The following KCNK2 variants were observed in gnomAD, a reference collection of about 807,000 sequenced individuals.
The protein encoded by KCNK2 is potassium channel subfamily K member 2.
In KCNK2, 21 loss-of-function variants were observed where a neutral mutation model predicts 40.5. That is an observed-to-expected ratio of 0.52 (90% CI 0.37 to 0.75). The LOEUF is 0.75. Among genes scored for constraint, KCNK2 ranks in the 30% least tolerant of loss-of-function variants. The probability of loss-of-function intolerance (pLI) is 0.00; values close to 1 mark genes in which losing one functional copy is unlikely to be tolerated. For synonymous variants in KCNK2, 191 were observed against 202.2 expected (o/e 0.94, Z 0.47); for missense variants, 399 against 531.6 (o/e 0.75, Z 2.45).
At chr1:215,188,271 G>T (rs1664532421) in intron 5 of KCNK2, among the ~76,000 whole-genome samples, 1 of 151,998 alleles carries the variant, frequency 6.6e-6, no homozygotes, top group African/African-American at 2.4e-5. Context: ...AATACAATTT[G>T]GGACTTTCCC....
chr1:215,032,337 G>C (rs996480311), intron 1 of KCNK2, among the ~76,000 whole-genome samples: 4 of 152,094 alleles, frequency 2.6e-5, no homozygotes, highest in African/African-American at 9.7e-5. Context: ...GGGCTCAGTA[G>C]TTCAGGGCTG....
rs188515169 is a variant in KCNK2 at position 215,196,951 on chromosome 1, C to T, written c.963+1859C>T. ...AGACTTGAGCAGAACCTATTTCATA[C>T]GGTCAGGTAGTTAGGAAAAGTATTG... is the stretch of plus-strand genomic sequence containing the variant. On this transcript the variant is annotated intron_variant, in intron 6 of 6. Coordinates refer to ENST00000444842, the MANE Select transcript of KCNK2 (RefSeq NM_001017425.3). Among the ~76,000 whole-genome samples the T allele has an allele frequency of 1.1e-4, 16 of 152,158 alleles. No homozygotes were observed. The East Asian group carries it at 2.5e-3, about 24-fold the overall frequency.
At chr1:215,220,482 C>T (rs543340328) in intron 6 of KCNK2, among the ~76,000 whole-genome samples, 4 of 152,168 alleles carry the variant, frequency 2.6e-5, no homozygotes, top group South Asian at 2.1e-4. Context: ...ACTCTGCTAC[C>T]ACCCCTTGAG....
At chr1:215,210,364 C>T (rs904552000) in intron 6 of KCNK2, among the ~76,000 whole-genome samples, 2 of 151,626 alleles carry the variant, frequency 1.3e-5, no homozygotes, top group South Asian at 2.1e-4. Flanking sequence ...CATATATAAG[C>T]AGGGCAGGGT....
chr1:215,211,860 T>C (rs912806346), intron 6 of KCNK2, among the ~76,000 whole-genome samples: 1 of 152,158 alleles, frequency 6.6e-6, no homozygotes, highest in African/African-American at 2.4e-5. Flanking sequence ...AAAGATAAGA[T>C]TTTAATTTTG....
At chr1:215,032,492 T>C (rs2841590) in intron 1 of KCNK2, among the ~76,000 whole-genome samples, 129,579 of 152,112 alleles carry the variant, frequency 0.85, 55,477 homozygotes, top group East Asian at 0.99. Context: ...TCTGCCTTTC[T>C]GTATGTAGAT....
chr1:215,140,446 T>C (rs1662125659), intron 3 of KCNK2, among the ~76,000 whole-genome samples: 1 of 152,072 alleles, frequency 6.6e-6, no homozygotes, highest in African/African-American at 2.4e-5. Flanking sequence ...CATCATGGAG[T>C]GAACTTACAC....
rs562007747 is a variant in KCNK2 at position 215,130,030 on chromosome 1, C to G, written c.475+5280C>G. 2.6e-5 allele frequency among the ~76,000 whole-genome samples: 4 copies of G among 152,246 alleles called. No individual in the cohort carries two copies. In the East Asian group the frequency reaches 7.7e-4, roughly 29 times the overall value. ...TCTTTCAACCATGTCTGAGTTTATG[C>G]TAATGAGGTGACTACTGGTGGGCTG... is the stretch of plus-strand genomic sequence containing the variant. On this transcript the variant is annotated intron_variant, in intron 3 of 6. Coordinates refer to ENST00000444842, the MANE Select transcript of KCNK2 (RefSeq NM_001017425.3).
chr1:215,037,058 T>G (rs1051980799), intron 1 of KCNK2, among the ~76,000 whole-genome samples: 1 of 149,496 alleles, frequency 6.7e-6, no homozygotes, highest in African/African-American at 2.5e-5. Flanking sequence ...AATATTGAAG[T>G]GGTAAGAATG....
At chr1:215,170,284 A>G (rs1224893570) in intron 4 of KCNK2, among the ~76,000 whole-genome samples, 1 of 152,220 alleles carries the variant, frequency 6.6e-6, no homozygotes, top group Admixed American at 6.6e-5. Flanking sequence ...CCAAAGGTGT[A>G]GAATACATGG....
chr1:215,157,917 A>G (rs1663004136), intron 3 of KCNK2, among the ~76,000 whole-genome samples: 1 of 152,148 alleles, frequency 6.6e-6, no homozygotes, highest in Admixed American at 6.5e-5. Flanking sequence ...GAGAGGGAAG[A>G]AAGCATCAGG....
At chr1:215,082,061 A>G (rs1659178649), upstream of KCNK2, 1 of 152,096 alleles carries the variant, frequency 6.6e-6, no homozygotes, top group African/African-American at 2.4e-5. Flanking sequence ...TGTTTCCAGC[A>G]AAGGGGTCTT....
intron 1 of KCNK2, among the ~76,000 whole-genome samples, chr1:215,049,737 T>G (rs2102498581): frequency 6.6e-6 from 1 of 152,204 alleles, no homozygotes; most frequent in South Asian, 2.1e-4. Context: ...GTCCACTTGC[T>G]TCCTTACCAT....
intron 1 of KCNK2, among the ~76,000 whole-genome samples, chr1:215,040,913 C>T (rs1412737347): frequency 6.6e-6 from 1 of 152,140 alleles, no homozygotes; most frequent in South Asian, 2.1e-4. Context: ...GTGGAGGGCT[C>T]TTTAGTCGCT....
At chr1:215,079,679 A>G (rs945846962), upstream of KCNK2, among the ~76,000 whole-genome samples, 2 of 152,302 alleles carry the variant, frequency 1.3e-5, no homozygotes, top group South Asian at 4.1e-4. Context: ...TCCAAACCAT[A>G]TCACTGAGTG....
rs151200222 is a variant in KCNK2 at position 215,172,086 on chromosome 1, G to A, written c.726G>A (p.Ala242=). ...FGCVLFVALP[A]IIFKHIEGWS... is the part of the protein sequence containing the mutation. ...GTGTACTCTTTGTGGCTCTGCCTGC[G>A]ATCATATTCAAACACATAGAAGGCT... The change falls in exon 5 of 7, where the codon GCG becomes GCA. Residue 242 remains alanine, a synonymous_variant. Transcript: ENST00000444842. The A allele has an allele frequency of 3.1e-5, 50 of 1,613,130 alleles. No individual in the cohort carries two copies. Among genetic ancestry groups the A allele is most frequent in the African/African-American group, 5.3e-5 (4 of 74,788 alleles).
At chr1:215,171,273 T>TA (rs1663700056) in intron 4 of KCNK2, among the ~76,000 whole-genome samples, 2 of 152,100 alleles carry the variant, frequency 1.3e-5, no homozygotes, top group Non-Finnish European at 2.9e-5. Context: ...GAAGGAGTTT[T>TA]AAAAAATGGG....
intron 1 of KCNK2, among the ~76,000 whole-genome samples, chr1:215,007,035 A>ATG (rs1184078114): frequency 3.5e-5 from 2 of 56,646 alleles, no homozygotes; most frequent in African/African-American, 1.2e-4. Context: ...ATATATATAT[A>ATG]TATGTGTGTG....
intron 5 of KCNK2, among the ~76,000 whole-genome samples, chr1:215,180,122 G>T (rs775683955): frequency 1.5e-4 from 23 of 151,962 alleles, no homozygotes; most frequent in Non-Finnish European, 3.2e-4. Context: ...ACCTTACTTT[G>T]TCCTTTTTTA....
Sources: gnomAD v4.1 joint callset for allele counts (sites outside exome capture counted in the v4.1 genomes callset) on GRCh38, gnomAD v4.1.1 for gene constraint, MANE v1.5 for transcripts, NCBI Gene and HGNC (gene_info 2026-07-23, HGNC 2026-07-21) for gene names.